Variants in AADACL2 observed in about 807,000 individuals in gnomAD.
The protein encoded by AADACL2 is arylacetamide deacetylase like 2.
Under a neutral mutation model 22.3 loss-of-function variants are expected in AADACL2, and 23 were observed. The ratio of observed to expected loss-of-function variants is 1.03; its 90% CI spans 0.74 to 1.46. The LOEUF (loss-of-function observed/expected upper bound fraction) is 1.46. Among genes scored for constraint, AADACL2 ranks in the 40% most tolerant of loss-of-function variants. The pLI, the probability that AADACL2 is intolerant of heterozygous loss-of-function variation, is 0.00. For synonymous variants in AADACL2, 177 were observed against 166.2 expected (o/e 1.07, Z -0.50); for missense variants, 472 against 482.9 (o/e 0.98, Z 0.21).
intron 4 of AADACL2, chr3:151,755,049 T>G (rs1422287019): frequency 6.6e-6 from 1 of 152,138 alleles, no homozygotes; most frequent in Non-Finnish European, 1.5e-5. Flanking sequence ...GGTCAATAAT[T>G]CAGCATTACT....
intron 2 of AADACL2, among the ~76,000 whole-genome samples, chr3:151,742,145 C>G (rs888164292): frequency 1.3e-5 from 2 of 152,054 alleles, no homozygotes; most frequent in African/African-American, 4.8e-5. Context: ...CCTAGGCTTC[C>G]TCTTTTGTCT....
rs1713022225 is a variant in AADACL2 at position 151,734,316 on chromosome 3, C to T, written c.138+143C>T. 11 of 970,836 alleles carry T rather than the reference C, an allele frequency of 1.1e-5. 1 individual carries two copies. In the South Asian group the frequency reaches 1.9e-4, roughly 16 times the overall value. 60.1% of individuals were successfully genotyped at this position (970,836 alleles called of 1,614,324 possible). On this transcript the variant is annotated intron_variant, in intron 1 of 4. Transcript: ENST00000356517. ...TTGTTTGAGTAAATTAATTAAACAACATTAAGTAAATAAAACTCCCTATAT... is the reference window on the plus strand; with the variant it reads ...TTGTTTGAGTAAATTAATTAAACAATATTAAGTAAATAAAACTCCCTATAT...
chr3:151,737,718 T>A (rs1021903588), intron 1 of AADACL2, among the ~76,000 whole-genome samples: 27 of 152,158 alleles, frequency 1.8e-4, no homozygotes, highest in African/African-American at 6.3e-4. Flanking sequence ...TTGTGTAATG[T>A]CCTTCTTTGT....
chr3:151,734,063 C>A lies in AADACL2; in HGVS notation c.28C>A (p.Leu10Met). 1 of 1,612,998 alleles carries A rather than the reference C, an allele frequency of 6.2e-7. No homozygotes were observed. The part of the protein sequence containing the change: MGLKALCLG[L>M]LCVLFVSHFY... ...GGGGCTAAAAGCTCTCTGTTTGGGGCTGCTTTGTGTTCTTTTTGTCTCTCA... is the reference window on the plus strand; with the variant it reads ...GGGGCTAAAAGCTCTCTGTTTGGGGATGCTTTGTGTTCTTTTTGTCTCTCA... The change falls in exon 1 of 5, where the codon CTG becomes ATG. Residue 10 changes from leucine to methionine, a missense_variant. Physicochemically the swap from Leu to Met is conservative, Grantham distance 15. Transcript: ENST00000356517.
intron 1 of AADACL2, among the ~76,000 whole-genome samples, chr3:151,736,700 A>G (rs1713100324): frequency 6.6e-6 from 1 of 152,138 alleles, no homozygotes; most frequent in African/African-American, 2.4e-5. Flanking sequence ...TATATGTGCC[A>G]TATTTTCTTT....
chr3:151,752,801 G>A (rs1713720263), intron 4 of AADACL2, among the ~76,000 whole-genome samples: 1 of 152,132 alleles, frequency 6.6e-6, no homozygotes, highest in African/African-American at 2.4e-5. Context: ...TAAAGAGGAA[G>A]CTGTGATATG....
At chr3:151,752,897 T>C (rs1713722806) in intron 4 of AADACL2, among the ~76,000 whole-genome samples, 1 of 152,194 alleles carries the variant, frequency 6.6e-6, no homozygotes, top group African/African-American at 2.4e-5. Flanking sequence ...CATAAGGTGG[T>C]AATAAAGCCG....
chr3:151,747,311 C>G (rs978095111), intron 4 of AADACL2, among the ~76,000 whole-genome samples: 2 of 151,926 alleles, frequency 1.3e-5, no homozygotes, highest in Non-Finnish European at 2.9e-5. Flanking sequence ...CTATAGTCAC[C>G]GCACTTAATA....
chr3:151,747,747 G>C (rs778465006), intron 4 of AADACL2, among the ~76,000 whole-genome samples: 5 of 152,040 alleles, frequency 3.3e-5, no homozygotes, highest in Admixed American at 2.0e-4. Context: ...GAATATGCGA[G>C]TACAGATATC....
chr3:151,745,373 AAG>A (rs1313265005), intron 3 of AADACL2, 134 bp from the exon 4 acceptor site: 1 of 818,810 alleles, frequency 1.2e-6, no homozygotes, highest in Non-Finnish European at 1.9e-6. Flanking sequence ...CATTTTAATC[AAG>A]AGTTAGTAGA....
intron 4 of AADACL2, among the ~76,000 whole-genome samples, chr3:151,747,644 A>G (rs1019686844): frequency 2.7e-5 from 4 of 147,074 alleles, no homozygotes; most frequent in African/African-American, 9.9e-5. Context: ...GTGTGTAGAT[A>G]CACACACACA....
At position 151,734,232 on chromosome 3, in the gene AADACL2, G is replaced by T; in HGVS notation, c.138+59G>T. The T allele has an allele frequency of 5.1e-6, 8 of 1,553,778 alleles. No homozygotes were observed. In the South Asian group the frequency reaches 8.4e-5, roughly 16 times the overall value. On this transcript the variant is annotated intron_variant, in intron 1 of 4. Coordinates refer to ENST00000356517, the MANE Select transcript of AADACL2 (RefSeq NM_207365.4). ...TGGGATGACTTATTGACTAAAAATG[G>T]GTGCTTATGAACTCTTTTATTAATA...
In AADACL2 at chr3:151,760,784, G is replaced by C. The variant is rs1714116104; in HGVS notation, c.*3190G>C. 1 of 152,042 alleles carries C rather than the reference G, an allele frequency of 6.6e-6. No homozygotes were observed. Among genetic ancestry groups the C allele is most frequent in the South Asian group, 2.1e-4 (1 of 4,820 alleles). The allele number at this position is 152,042 out of a possible 1,614,324, so 9.4% of individuals were successfully genotyped here. A position where few individuals can be genotyped will look rare whatever the true frequency, so the allele number is the denominator to read the frequency against. ...AATTTATTACTTTGTGGTTCAGAAG[G>C]CTAGAAGTTGGAGATCAAGGTGTCA... is the stretch of plus-strand genomic sequence containing the variant. On this transcript the variant is annotated 3_prime_UTR_variant, in exon 5 of 5. Coordinates refer to ENST00000356517, the MANE Select transcript of AADACL2 (RefSeq NM_207365.4).
Position 151,745,651 on chromosome 3 carries a change from G to A in AADACL2, c.574G>A (p.Gly192Ser). 6.2e-7 allele frequency: 1 copy of A among 1,611,054 alleles called. No homozygotes were observed. Among genetic ancestry groups the A allele is most frequent in the South Asian group, 1.1e-5 (1 of 90,278 alleles). The change falls in exon 4 of 5, where the codon GGC (glycine) becomes AGC (serine). Residue 192 changes from glycine (G) to serine (S), a missense_variant. Gly to Ser is a moderately conservative substitution (Grantham distance 56, BLOSUM62 0). Transcript: ENST00000356517. ...RICIAGDSSG[G>S]NLATAVTQQV... ...CTGCATTGCGGGAGACAGTTCTGGG[G>A]GCAATTTAGCAACAGCGGTCACTCA...
rs1713930379 is a variant in AADACL2 at position 151,756,868 on chromosome 3, A to T, written c.604-124A>T. On this transcript the variant is annotated intron_variant, in intron 4 of 4. Transcript: ENST00000356517. ...AATATATTATAAATATTATAAAAATAATTATGATACATCACATCAATTTAT... is the reference window on the plus strand; with the variant it reads ...AATATATTATAAATATTATAAAAATTATTATGATACATCACATCAATTTAT... The T allele has an allele frequency of 1.9e-5, 13 of 701,684 alleles. No individual in the cohort carries two copies. The East Asian group carries it at 4.5e-4, about 24-fold the overall frequency. 43.5% of individuals were successfully genotyped at this position (701,684 alleles called of 1,614,324 possible).
At chr3:151,736,410 A>C (rs1576609885) in intron 1 of AADACL2, among the ~76,000 whole-genome samples, 1 of 151,564 alleles carries the variant, frequency 6.6e-6, no homozygotes, top group Non-Finnish European at 1.5e-5. Context: ...GCACCTATCA[A>C]CTCGTCATCT....
chr3:151,748,478 T>A (rs1713534205), intron 4 of AADACL2, among the ~76,000 whole-genome samples: 1 of 152,186 alleles, frequency 6.6e-6, no homozygotes, highest in Non-Finnish European at 1.5e-5. Context: ...TGATCCCCAA[T>A]GTGGCAGCAT....
chr3:151,760,049 CATTT>C lies in AADACL2; in HGVS notation c.*2458_*2461del, dbSNP rs1410799802. The C allele has an allele frequency of 1.3e-5, 2 of 152,082 alleles. No individual in the cohort carries two copies. Among genetic ancestry groups the C allele is most frequent in the African/African-American group, 4.8e-5 (2 of 41,422 alleles). The allele number at this position is 152,082 out of a possible 1,614,324, so 9.4% of individuals were successfully genotyped here. On this transcript the variant is annotated 3_prime_UTR_variant, in exon 5 of 5. Transcript: ENST00000356517. ...AGGGTAATCGGCACATCATCTCAAA[CATTT>C]ATCATTTCTTTGTGTTGGGAATTTC...
chr3:151,740,957 T>C (rs1387806904), intron 2 of AADACL2, 89 bp downstream of exon 2: 15 of 1,005,122 alleles, frequency 1.5e-5, no homozygotes, highest in Admixed American at 2.4e-5. Context: ...CTTATACTGA[T>C]ACATACATCT....
Sources: gnomAD v4.1 joint callset for allele counts (sites outside exome capture counted in the v4.1 genomes callset) on GRCh38, gnomAD v4.1.1 for gene constraint, MANE v1.5 for transcripts, NCBI Gene and HGNC (gene_info 2026-07-23, HGNC 2026-07-21) for gene names.